DLGAP4: variants seen among roughly 807,000 people sequenced by gnomAD.
DLGAP4 encodes DLG associated protein 4, also known as disks large-associated protein 4.
Under a neutral mutation model 86.9 loss-of-function variants are expected in DLGAP4, and 18 were observed. The observed-to-expected ratio is 0.21, with a 90% CI of 0.14 to 0.31. The LOEUF is 0.31. Ranked by LOEUF, DLGAP4 falls within the 10% of genes least tolerant of loss-of-function variation. The pLI, the probability that DLGAP4 is intolerant of heterozygous loss-of-function variation, is 1.00. For synonymous variants in DLGAP4, 548 were observed against 574.3 expected (o/e 0.95, Z 0.65); for missense variants, 1,085 against 1,362.6 (o/e 0.80, Z 3.21).
At chr20:36,378,240 A>G (rs1212055982) in intron 2 of DLGAP4, among the ~76,000 whole-genome samples, 1 of 151,924 alleles carries the variant, frequency 6.6e-6, no homozygotes, top group Non-Finnish European at 1.5e-5. Flanking sequence ...ATCTCAGGTG[A>G]CTCCACCTCT....
At chr20:36,423,828 C>T (rs113270425) in intron 2 of DLGAP4, among the ~76,000 whole-genome samples, 3 of 151,720 alleles carry the variant, frequency 2.0e-5, no homozygotes, top group African/African-American at 4.8e-5. Context: ...GGCACGGTGG[C>T]GCTCACCTGT....
intron 7 of DLGAP4, among the ~76,000 whole-genome samples, chr20:36,449,138 C>T (rs1424333971): frequency 2.6e-5 from 4 of 152,150 alleles, no homozygotes; most frequent in Non-Finnish European, 5.9e-5. Flanking sequence ...GGCTCTTTCT[C>T]GCACCCTGCA....
At chr20:36,459,534 A>C (rs2033966754) in intron 7 of DLGAP4, among the ~76,000 whole-genome samples, 1 of 152,162 alleles carries the variant, frequency 6.6e-6, no homozygotes, top group Non-Finnish European at 1.5e-5. Context: ...ACATGCCACC[A>C]CACCCAGCTA....
chr20:36,502,372 A>G (rs1345249833), intron 10 of DLGAP4, among the ~76,000 whole-genome samples: 1 of 152,224 alleles, frequency 6.6e-6, no homozygotes, highest in Non-Finnish European at 1.5e-5. Context: ...TTTAAGAGAC[A>G]TGGCCTCACT....
chr20:36,307,388 C>G (rs983031597), intron 1 of DLGAP4, among the ~76,000 whole-genome samples: 4 of 152,176 alleles, frequency 2.6e-5, no homozygotes, highest in Non-Finnish European at 5.9e-5. Flanking sequence ...CCGAACCTGC[C>G]GCTCCGATCC....
chr20:36,356,375 G>A (rs868943290), intron 1 of DLGAP4, among the ~76,000 whole-genome samples: 2 of 152,264 alleles, frequency 1.3e-5, no homozygotes, highest in Middle Eastern at 6.8e-3. Context: ...GCAATGGTGC[G>A]ATCTTGGCTC....
rs2030548635 is a variant in DLGAP4 at position 36,362,286 on chromosome 20, G to A, written c.-303-4759G>A. 2.0e-5 allele frequency among the ~76,000 whole-genome samples: 3 copies of A among 152,252 alleles called. No homozygotes were observed. The South Asian group carries it at 6.2e-4, about 32-fold the overall frequency. ...GAAAAAGAAAAAAGAAAAAAAGATA[G>A]GACATAGTCTTGGGCTTTACTTCTG... On this transcript the variant is annotated intron_variant, in intron 1 of 12. Transcript: ENST00000339266.
chr20:36,482,706 CTG>C (rs753704597), intron 7 of DLGAP4, among the ~76,000 whole-genome samples: 24 of 152,152 alleles, frequency 1.6e-4, no homozygotes, highest in Non-Finnish European at 2.9e-4. Flanking sequence ...GGGTCTAACT[CTG>C]TTGTCCAGGC....
Position 36,432,735 on chromosome 20 carries a change from CA to C in DLGAP4, c.999+20del, listed in dbSNP as rs2033163233. On this transcript the variant is annotated intron_variant, in intron 3 of 12. Transcript: ENST00000339266. The surrounding 1 kb of genome is among the most constrained non-coding windows in gnomAD (Gnocchi z 6.5). ...CCTGCAGGTGGGTCTCTGGCAGGGT[CA>C]GGGGTGGGATGAGGGCTCTGGGGAC... 4 of 1,610,698 alleles carry C rather than the reference CA, an allele frequency of 2.5e-6. No individual in the cohort carries two copies. The highest frequency in any genetic ancestry group is 3.4e-6 in the Non-Finnish European group (4 of 1,178,648).
At chr20:36,439,666 C>A in intron 4 of DLGAP4, 88 bp from the exon 5 acceptor site, 1 of 1,136,962 alleles carries the variant, frequency 8.8e-7, no homozygotes, top group Non-Finnish European at 1.3e-6. Context: ...AGGTGTGGAC[C>A]ACCTGTGCAT....
intron 1 of DLGAP4, among the ~76,000 whole-genome samples, chr20:36,339,866 G>A (rs377200715): frequency 3.9e-5 from 6 of 152,204 alleles, no homozygotes; most frequent in Non-Finnish European, 8.8e-5. Context: ...CGGCAGAGGC[G>A]TTAAGGTGGG....
chr20:36,372,499 G>A (rs561637836), intron 2 of DLGAP4, among the ~76,000 whole-genome samples: 26 of 150,782 alleles, frequency 1.7e-4, no homozygotes, highest in Admixed American at 5.3e-4. Context: ...GCTGTGATGG[G>A]GACACCCTGG....
intron 7 of DLGAP4, among the ~76,000 whole-genome samples, chr20:36,458,663 C>T (rs186255709): frequency 1.2e-3 from 190 of 152,044 alleles, no homozygotes; most frequent in Non-Finnish European, 2.1e-3. Flanking sequence ...TGCGCCACTG[C>T]ACTCCAGCCT....
chr20:36,333,900 T>G (rs2065295090), intron 1 of DLGAP4, among the ~76,000 whole-genome samples: 1 of 152,224 alleles, frequency 6.6e-6, no homozygotes, highest in Admixed American at 6.5e-5. Flanking sequence ...GGGAAACTCA[T>G]GGGACCTGCC....
At chr20:36,358,693 A>C (rs1243360396) in intron 1 of DLGAP4, among the ~76,000 whole-genome samples, 1 of 152,176 alleles carries the variant, frequency 6.6e-6, no homozygotes, top group Non-Finnish European at 1.5e-5. Context: ...CTGTAGTCCC[A>C]GCTACTCGGG....
At chr20:36,421,311 G>T (rs145625335) in intron 2 of DLGAP4, among the ~76,000 whole-genome samples, 4 of 151,574 alleles carry the variant, frequency 2.6e-5, no homozygotes, top group African/African-American at 7.3e-5. Flanking sequence ...CAAAAAAATT[G>T]GCTGGGCGTG....
chr20:36,489,957 C>A (rs915161966), intron 7 of DLGAP4, among the ~76,000 whole-genome samples: 3 of 146,620 alleles, frequency 2.0e-5, no homozygotes, highest in East Asian at 2.0e-4. Context: ...CTCCCGGGTT[C>A]AAGCAATTCT....
intron 2 of DLGAP4, among the ~76,000 whole-genome samples, chr20:36,367,569 C>T (rs925721661): frequency 6.6e-6 from 1 of 152,200 alleles, no homozygotes; most frequent in African/African-American, 2.4e-5. Flanking sequence ...ACCTCAAAGG[C>T]CAGCTCTTGC....
chr20:36,458,022 AG>A (rs1429752826), intron 7 of DLGAP4, among the ~76,000 whole-genome samples: 1 of 151,886 alleles, frequency 6.6e-6, no homozygotes, highest in Non-Finnish European at 1.5e-5. Context: ...CTGAGGCAGG[AG>A]GTGCCTGACA....
Sources: gnomAD v4.1 joint callset for allele counts (sites outside exome capture counted in the v4.1 genomes callset) on GRCh38, gnomAD v4.1.1 for gene constraint, Gnocchi (gnomAD v3.1) non-coding constraint, MANE v1.5 for transcripts, NCBI Gene and HGNC (gene_info 2026-07-23, HGNC 2026-07-21) for gene names.